Variants in FGF1 observed in about 807,000 individuals in gnomAD.
FGF1 encodes fibroblast growth factor 1.
Under a neutral mutation model 13.4 loss-of-function variants are expected in FGF1, and 9 were observed. The ratio of observed to expected loss-of-function variants is 0.67; its 90% CI spans 0.40 to 1.17. FGF1 has a LOEUF of 1.17. Ranked by LOEUF, FGF1 falls within the 50% of genes most tolerant of loss-of-function variation. FGF1 has a pLI of 0.01. For synonymous variants in FGF1, 93 were observed against 79.0 expected (o/e 1.18, Z -0.94); for missense variants, 156 against 192.7 (o/e 0.81, Z 1.13).
At chr5:142,608,575 T>C (rs1482381751) in intron 2 of FGF1, among the ~76,000 whole-genome samples, 1 of 87,786 alleles carries the variant, frequency 1.1e-5, no homozygotes, top group Non-Finnish European at 2.1e-5. Context: ...TATATATATA[T>C]ATATATATAC....
intron 1 of FGF1, among the ~76,000 whole-genome samples, chr5:142,662,774 A>T (rs1769501749): frequency 6.6e-6 from 1 of 152,242 alleles, no homozygotes; most frequent in Non-Finnish European, 1.5e-5. Context: ...TACTTTGATT[A>T]AATACTGAAA....
chr5:142,685,861 GACACACACACAAA>G (rs1459911404), intron 1 of FGF1, 83 bp downstream of exon 1: 1 of 140,132 alleles, frequency 7.1e-6, no homozygotes. Context: ...TTTGCACTTG[GACACACACACAAA>G]ACACACACAC....
chr5:142,605,095 T>C (rs1757356497), intron 2 of FGF1, among the ~76,000 whole-genome samples: 1 of 151,858 alleles, frequency 6.6e-6, no homozygotes, highest in South Asian at 2.1e-4. Flanking sequence ...GGAAGTTTTT[T>C]TTGTTTGTTT....
chr5:142,655,897 C>G (rs1171288475), intron 1 of FGF1, among the ~76,000 whole-genome samples: 2 of 152,200 alleles, frequency 1.3e-5, no homozygotes, highest in East Asian at 3.9e-4. Flanking sequence ...GCTGGCCGCG[C>G]TGGTGAGATC....
chr5:142,689,290 T>C (rs1751755635), upstream of FGF1, among the ~76,000 whole-genome samples: 1 of 152,130 alleles, frequency 6.6e-6, no homozygotes, highest in Non-Finnish European at 1.5e-5. Flanking sequence ...CATGCCACTC[T>C]CTCCCTCCAG....
At chr5:142,617,222 A>G (rs1399211994) in intron 1 of FGF1, among the ~76,000 whole-genome samples, 7 of 152,128 alleles carry the variant, frequency 4.6e-5, no homozygotes, top group African/African-American at 1.7e-4. Flanking sequence ...AAAATTAGCC[A>G]GGTCTGGTGG....
At chr5:142,689,699 T>TG (rs1184785488), upstream of FGF1, among the ~76,000 whole-genome samples, 6 of 147,556 alleles carry the variant, frequency 4.1e-5, no homozygotes, top group Non-Finnish European at 6.0e-5. Context: ...TCCTAGTTTT[T>TG]TTTTTTTTTT....
In FGF1 at chr5:142,664,192, C is replaced by G. The variant is rs556772039; in HGVS notation, c.-35+21765G>C. 1.5e-3 allele frequency among the ~76,000 whole-genome samples: 234 copies of G among 152,170 alleles called. 1 individual carries two copies. The highest frequency in any genetic ancestry group is 2.7e-3 in the Non-Finnish European group (182 of 68,038). ...TTCTTTTTTCCTGCAGTTAGATGCT[C>G]CATTGTGTTTTCTGTTTGCCAAGCT... On this transcript the variant is annotated intron_variant, in intron 1 of 3. Coordinates refer to ENST00000337706, the MANE Select transcript of FGF1 (RefSeq NM_000800.5).
At chr5:142,648,602 C>A (rs1394897740) in intron 1 of FGF1, among the ~76,000 whole-genome samples, 1 of 148,492 alleles carries the variant, frequency 6.7e-6, no homozygotes, top group East Asian at 2.0e-4. Flanking sequence ...CATGTGTATA[C>A]CTATGTAACA....
chr5:142,653,149 T>G (rs1767553180), intron 1 of FGF1, among the ~76,000 whole-genome samples: 1 of 152,144 alleles, frequency 6.6e-6, no homozygotes, highest in Non-Finnish European at 1.5e-5. Flanking sequence ...TTCTGTGGCC[T>G]CTGAGACCTC....
chr5:142,617,251 G>C (rs1351241484), intron 1 of FGF1, among the ~76,000 whole-genome samples: 1 of 152,150 alleles, frequency 6.6e-6, no homozygotes, highest in African/African-American at 2.4e-5. Context: ...TGTAGTCCCA[G>C]CTACTCGGGA....
At chr5:142,677,511 G>A (rs1389792133) in intron 1 of FGF1, among the ~76,000 whole-genome samples, 1 of 152,236 alleles carries the variant, frequency 6.6e-6, no homozygotes, top group Non-Finnish European at 1.5e-5. Context: ...GACTAAGCCA[G>A]AGCAGCTGAC....
chr5:142,606,440 C>G (rs1414505606), intron 2 of FGF1, among the ~76,000 whole-genome samples: 1 of 151,038 alleles, frequency 6.6e-6, no homozygotes, highest in Non-Finnish European at 1.5e-5. Context: ...CAGGGTGAAA[C>G]CCCGTCTCTA....
chr5:142,650,111 C>T (rs150695194), intron 1 of FGF1, among the ~76,000 whole-genome samples: 17 of 152,172 alleles, frequency 1.1e-4, no homozygotes, highest in Non-Finnish European at 2.5e-4. Flanking sequence ...TTTTAGGCAT[C>T]TTCCAGTTTG....
chr5:142,611,861 C>T (rs769671931), intron 2 of FGF1, among the ~76,000 whole-genome samples: 1 of 152,148 alleles, frequency 6.6e-6, no homozygotes, highest in Non-Finnish European at 1.5e-5. Context: ...TCCTTCAATA[C>T]GACCCTGTGT....
At chr5:142,643,023 C>A (rs984170254) in intron 1 of FGF1, among the ~76,000 whole-genome samples, 11 of 152,146 alleles carry the variant, frequency 7.2e-5, no homozygotes, top group African/African-American at 2.7e-4. Flanking sequence ...GAAATATTAA[C>A]AAATAAGGAA....
chr5:142,657,555 A>T (rs10051516), intron 1 of FGF1, among the ~76,000 whole-genome samples: 1 of 152,056 alleles, frequency 6.6e-6, no homozygotes, highest in African/African-American at 2.4e-5. Flanking sequence ...GTCAGCTGTG[A>T]ATGTTGTTCT....
At chr5:142,612,633 A>G (rs1444156380) in intron 2 of FGF1, among the ~76,000 whole-genome samples, 1 of 150,546 alleles carries the variant, frequency 6.6e-6, no homozygotes, top group Non-Finnish European at 1.5e-5. Flanking sequence ...TTTTTGCCTC[A>G]TTCTGACACC....
rs149648735 is a variant in FGF1 at position 142,596,951 on chromosome 5, G to A, written c.274-1467C>T. Among the ~76,000 whole-genome samples the A allele has an allele frequency of 1.7e-3, 266 of 152,092 alleles. 1 individual carries two copies. The highest frequency in any genetic ancestry group is 6.2e-3 in the African/African-American group (257 of 41,494). On this transcript the variant is annotated intron_variant, in intron 3 of 3. Coordinates refer to ENST00000337706, the MANE Select transcript of FGF1 (RefSeq NM_000800.5). ...TATAGACTTATGATATCATCAAAAT[G>A]TCATGTTTTATTTGATGTTTTAAAA...
Sources: gnomAD v4.1 joint callset for allele counts (sites outside exome capture counted in the v4.1 genomes callset) on GRCh38, gnomAD v4.1.1 for gene constraint, MANE v1.5 for transcripts, NCBI Gene and HGNC (gene_info 2026-07-23, HGNC 2026-07-21) for gene names.